UBQLN3: variants seen among roughly 807,000 people sequenced by gnomAD.
UBQLN3 encodes the protein ubiquilin 3.
In UBQLN3, 1 loss-of-function variant was observed where a neutral mutation model predicts 2.9. The observed-to-expected ratio is 0.35, with a 90% confidence interval of 0.12 to 1.66. The LOEUF (loss-of-function observed/expected upper bound fraction) is 1.66. Ranked by LOEUF, UBQLN3 falls within the 40% of genes most tolerant of loss-of-function variation. The pLI is 0.35. For synonymous variants in UBQLN3, 358 were observed against 317.6 expected (o/e 1.13, Z -1.35); for missense variants, 924 against 816.5 (o/e 1.13, Z -1.61).
In UBQLN3 at chr11:5,508,914, T is replaced by C; in HGVS notation, c.645A>G (p.Glu215=). The change falls in exon 2 of 2, where the codon GAA becomes GAG. Residue 215 remains glutamate, a synonymous_variant. Coordinates refer to ENST00000311659, the MANE Select transcript of UBQLN3 (RefSeq NM_017481.4). This position sits in a 1 kb window ranked among gnomAD's most constrained non-coding sequence, Gnocchi z 4.2. ...AAAACTCCAGTGTCTGCCGCATAAT[T>C]TCCGGGTTGTTAAGAATATGCCCAA... is the stretch of plus-strand genomic sequence containing the variant. ...PEIGHILNNP[E]IMRQTLEFLR... The C allele has an allele frequency of 6.2e-7, 1 of 1,614,150 alleles. No individual in the cohort carries two copies. Among genetic ancestry groups the C allele is most frequent in the Non-Finnish European group, 8.5e-7 (1 of 1,180,020 alleles).
rs370344868 is a variant in UBQLN3 at position 5,508,885 on chromosome 11, C to T, written c.674G>A (p.Arg225His). 2.8e-5 allele frequency: 46 copies of T among 1,614,186 alleles called. No individual in the cohort carries two copies. Among genetic ancestry groups the T allele is most frequent in the Middle Eastern group, 1.6e-4 (1 of 6,062 alleles). The change falls in exon 2 of 2, where the codon CGT (arginine) becomes CAT (histidine). Residue 225 changes from arginine to histidine, a missense_variant. Coordinates refer to ENST00000311659, the MANE Select transcript of UBQLN3 (RefSeq NM_017481.4). This position sits in a 1 kb window ranked among gnomAD's most constrained non-coding sequence, Gnocchi z 4.2. The stretch of plus-strand genomic sequence containing the variant: ...CATCTCCTGCATCATGGCAGGGTTA[C>T]GTAAAAACTCCAGTGTCTGCCGCAT... ...EIMRQTLEFL[R>H]NPAMMQEMIR...
In UBQLN3 at chr11:5,508,349, T is replaced by A; in HGVS notation, c.1210A>T (p.Lys404Ter). Residue 404 changes from lysine (K) to a stop codon, truncating the protein, a stop_gained, in exon 2 of 2, where the codon AAG (lysine) becomes TAG (stop). Transcript: ENST00000311659. LOFTEE classifies it low-confidence loss of function (END_TRUNC). The surrounding 1 kb of genome is among the most constrained non-coding windows in gnomAD (Gnocchi z 4.2). ...AAAGCTGGGCAGGAGGACCTTCCCT[T>A]GATTGCTACTGACTCCTCGGGGAGA... Reference protein sequence around the residue: ...QPLPEESVAIKGRSSCPAFLR... With the variant: ...QPLPEESVAI 1.2e-6 allele frequency: 2 copies of A among 1,607,550 alleles called. No individual in the cohort carries two copies. The highest frequency in any genetic ancestry group is 1.7e-6 in the Non-Finnish European group (2 of 1,175,774).
At position 5,507,391 on chromosome 11, in the gene UBQLN3, T is replaced by G; in HGVS notation, c.*200A>C. 9.0e-7 allele frequency: 1 copy of G among 1,107,564 alleles called. No individual in the cohort carries two copies. Among genetic ancestry groups the G allele is most frequent in the South Asian group, 1.9e-5 (1 of 52,440 alleles). The allele number at this position is 1,107,564 out of a possible 1,614,324, so 68.6% of individuals were successfully genotyped here. A position where few individuals can be genotyped will look rare whatever the true frequency, so the allele number is the denominator to read the frequency against. ...CCCAGTGGTATAGTGGTACAAGTGG[T>G]TGACTCACACACAGCACCTCCACTA... On this transcript the variant is annotated 3_prime_UTR_variant, in exon 2 of 2. Transcript: ENST00000311659.
Position 5,507,316 on chromosome 11 carries a change from G to A in UBQLN3, c.*275C>T. 1 of 358,076 alleles carries A rather than the reference G, an allele frequency of 2.8e-6. No individual in the cohort carries two copies. Among genetic ancestry groups the A allele is most frequent in the Non-Finnish European group, 5.0e-6 (1 of 201,564 alleles). 22.2% of individuals were successfully genotyped at this position (358,076 alleles called of 1,614,324 possible). A position where few individuals can be genotyped will look rare whatever the true frequency, so the allele number is the denominator to read the frequency against. On this transcript the variant is annotated 3_prime_UTR_variant, in exon 2 of 2. Transcript: ENST00000311659. ...AGGCAAGAGTTCACATTGGAAATTGGGTGTAATTGCATCTCAAGATAGGCA... is the reference window on the plus strand; with the variant it reads ...AGGCAAGAGTTCACATTGGAAATTGAGTGTAATTGCATCTCAAGATAGGCA...
Position 5,508,077 on chromosome 11 carries a change from A to G in UBQLN3, c.1482T>C (p.Ala494=). The part of the protein sequence containing the change: ...RSLRPDGMNP[A]PQLQDEIQPQ... ...GTTGTATCTCATCCTGTAACTGTGG[A>G]GCTGGATTCATGCCATCTGGCCTCA... The change falls in exon 2 of 2, where the codon GCT becomes GCC. Residue 494 remains alanine (A), a synonymous_variant. Coordinates refer to ENST00000311659, the MANE Select transcript of UBQLN3 (RefSeq NM_017481.4). This position sits in a 1 kb window ranked among gnomAD's most constrained non-coding sequence, Gnocchi z 4.2. 1 of 1,614,034 alleles carries G rather than the reference A, an allele frequency of 6.2e-7. No homozygotes were observed. Among genetic ancestry groups the G allele is most frequent in the Non-Finnish European group, 8.5e-7 (1 of 1,180,020 alleles).
Position 5,508,402 on chromosome 11 carries a change from G to A in UBQLN3, c.1157C>T (p.Ser386Leu). Residue 386 changes from serine (S) to leucine (L), a missense_variant, in exon 2 of 2, where the codon TCA (serine) becomes TTA (leucine). Ser to Leu is a moderately radical substitution (Grantham distance 145). Coordinates refer to ENST00000311659, the MANE Select transcript of UBQLN3 (RefSeq NM_017481.4). This position sits in a 1 kb window ranked among gnomAD's most constrained non-coding sequence, Gnocchi z 4.2. The part of the protein sequence containing the change: ...SVNRVPPSSP[S>L]SQEPGSGQPL... Reference sequence around the variant, plus strand: ...CTGGCCTGACCCAGGCTCCTGAGATGAGGGTGACGATGGGGGAACTCTGTT... The same window carrying A: ...CTGGCCTGACCCAGGCTCCTGAGATAAGGGTGACGATGGGGGAACTCTGTT... 2 of 1,601,912 alleles carry A rather than the reference G, an allele frequency of 1.2e-6. No homozygotes were observed. Among genetic ancestry groups the A allele is most frequent in the Non-Finnish European group, 1.7e-6 (2 of 1,174,216 alleles).
Position 5,508,726 on chromosome 11 carries a change from A to G in UBQLN3, c.833T>C (p.Phe278Ser). 1 of 1,613,906 alleles carries G rather than the reference A, an allele frequency of 6.2e-7. No homozygotes were observed. Among genetic ancestry groups the G allele is most frequent in the Non-Finnish European group, 8.5e-7 (1 of 1,180,000 alleles). ...GGCATTATCAGTAGTGGCAGTGGCAAAGGGATTGCCGCCAAACTGCTCCTG... is the reference window on the plus strand; with the variant it reads ...GGCATTATCAGTAGTGGCAGTGGCAGAGGGATTGCCGCCAAACTGCTCCTG... ...AVQEQFGGNPFATATTDNATT... is the reference protein window; with the variant it reads ...AVQEQFGGNPSATATTDNATT... The change falls in exon 2 of 2, where the codon TTT becomes TCT. Residue 278 changes from phenylalanine to serine, a missense_variant. Transcript: ENST00000311659. The surrounding 1 kb of genome is among the most constrained non-coding windows in gnomAD (Gnocchi z 4.2).
chr11:5,507,529 A>G lies in UBQLN3; in HGVS notation c.*62T>C, dbSNP rs1016834957. 232 of 1,519,304 alleles carry G rather than the reference A, an allele frequency of 1.5e-4. 1 individual carries two copies. The highest frequency in any genetic ancestry group is 8.9e-4 in the Middle Eastern group (5 of 5,630). The allele number at this position is 1,519,304 out of a possible 1,614,324, so 94.1% of individuals were successfully genotyped here. A position where few individuals can be genotyped will look rare whatever the true frequency, so the allele number is the denominator to read the frequency against. ...AGCTGTATTCAAAAATGGGAGAGCTAGGGAACTAGGATATGGGAAAAAGGC... is the reference window on the plus strand; with the variant it reads ...AGCTGTATTCAAAAATGGGAGAGCTGGGGAACTAGGATATGGGAAAAAGGC... On this transcript the variant is annotated 3_prime_UTR_variant, in exon 2 of 2. Transcript: ENST00000311659.
Position 5,507,748 on chromosome 11 carries a change from C to T in UBQLN3, c.1811G>A (p.Ser604Asn), listed in dbSNP as rs1275666459. 1 of 1,614,082 alleles carries T rather than the reference C, an allele frequency of 6.2e-7. No homozygotes were observed. ...PFLHMLQDLV[S>N]TNPQQLQPEA... ...AGGCTGCAGCTGCTGGGGATTTGTACTAACTAAATCTTGCAGCATATGGAG... is the reference window on the plus strand; with the variant it reads ...AGGCTGCAGCTGCTGGGGATTTGTATTAACTAAATCTTGCAGCATATGGAG... The change falls in exon 2 of 2, where the codon AGT becomes AAT. Residue 604 changes from serine (S) to asparagine (N), a missense_variant. Coordinates refer to ENST00000311659, the MANE Select transcript of UBQLN3 (RefSeq NM_017481.4).
Position 5,507,438 on chromosome 11 carries a change from T to G in UBQLN3, c.*153A>C, listed in dbSNP as rs2133823897. On this transcript the variant is annotated 3_prime_UTR_variant, in exon 2 of 2. Transcript: ENST00000311659. ...ACTATGTTTTGGCCATTAGTCTTCC[T>G]CGTTGACTCTGGAACAACATTGCCT... 4 of 1,424,372 alleles carry G rather than the reference T, an allele frequency of 2.8e-6. No homozygotes were observed. In the East Asian group the frequency reaches 7.4e-5, roughly 26 times the overall value. The allele number at this position is 1,424,372 out of a possible 1,614,324, so 88.2% of individuals were successfully genotyped here.
Position 5,509,329 on chromosome 11 carries a change from G to GCCAGTGAGT in UBQLN3, c.221_229dup (p.Asp74_Leu76dup), listed in dbSNP as rs1846439123. ...GAGGCCATCTCGCACTCCACACTGT[G>GCCAGTGAGT]CCAGTGAGTCAGGATCCTTGAGGAT... is the stretch of plus-strand genomic sequence containing the variant. On this transcript the variant is annotated inframe_insertion, in exon 2 of 2. Coordinates refer to ENST00000311659, the MANE Select transcript of UBQLN3 (RefSeq NM_017481.4). The GCCAGTGAGT allele has an allele frequency of 6.2e-7, 1 of 1,614,180 alleles. No homozygotes were observed. Among genetic ancestry groups the GCCAGTGAGT allele is most frequent in the South Asian group, 1.1e-5 (1 of 91,078 alleles).
intron 1 of UBQLN3, 127 bp from the exon 2 acceptor site, chr11:5,509,721 A>T: frequency 8.1e-7 from 1 of 1,234,416 alleles, no homozygotes; most frequent in Non-Finnish European, 1.1e-6. Flanking sequence ...GAAAGGGGCC[A>T]TGAGGTTTCT....
At position 5,509,534 on chromosome 11, in the gene UBQLN3, G is replaced by T. The variant is rs201741649; in HGVS notation, c.25C>A (p.Pro9Thr). The change falls in exon 2 of 2, where the codon CCA becomes ACA. Residue 9 changes from proline to threonine, a missense_variant. Physicochemically the swap from Pro to Thr is conservative, Grantham distance 38. Transcript: ENST00000311659. ...TGGACTGGTGCTGGGCTGCCCTGTG[G>T]CAGGGCTTCTCCACCTTTGGCCATG... The part of the protein sequence containing the change: MAKGGEAL[P>T]QGSPAPVQDP... 8.7e-5 allele frequency: 140 copies of T among 1,613,652 alleles called. No homozygotes were observed. The highest frequency in any genetic ancestry group is 8.5e-6 in the Non-Finnish European group (10 of 1,179,814).
rs1304810361 is a variant in UBQLN3 at position 5,509,298 on chromosome 11, G to C, written c.261C>G (p.Val87=). The C allele has an allele frequency of 6.2e-7, 1 of 1,614,198 alleles. No homozygotes were observed. The highest frequency in any genetic ancestry group is 2.2e-5 in the East Asian group (1 of 44,884). ...GGTGCTGCCTCTTGATGACCAGGTG[G>C]ACAGTGAGGCCATCTCGCACTCCAC... ...AQCGVRDGLT[V]HLVIKRQHRA... Residue 87 remains valine, a synonymous_variant, in exon 2 of 2, where the codon GTC becomes GTG. Transcript: ENST00000311659.
At position 5,509,325 on chromosome 11, in the gene UBQLN3, C is replaced by T; in HGVS notation, c.234G>A (p.Gln78=). 6.2e-7 allele frequency: 1 copy of T among 1,614,190 alleles called. No individual in the cohort carries two copies. ...KILKDPDSLA[Q]CGVRDGLTVH... is the part of the protein sequence containing the mutation. ...CAGTGAGGCCATCTCGCACTCCACA[C>T]TGTGCCAGTGAGTCAGGATCCTTGA... Residue 78 remains glutamine (Q), a synonymous_variant, in exon 2 of 2, where the codon CAG becomes CAA. Transcript: ENST00000311659.
chr11:5,508,667 TCTC>T lies in UBQLN3; in HGVS notation c.889_891del (p.Glu297del). The T allele has an allele frequency of 6.2e-7, 1 of 1,614,028 alleles. No homozygotes were observed. Among genetic ancestry groups the T allele is most frequent in the Non-Finnish European group, 8.5e-7 (1 of 1,180,004 alleles). On this transcript the variant is annotated inframe_deletion, in exon 2 of 2. Coordinates refer to ENST00000311659, the MANE Select transcript of UBQLN3 (RefSeq NM_017481.4). The surrounding 1 kb of genome is among the most constrained non-coding windows in gnomAD (Gnocchi z 4.2). ...CAGGGGTTGGGGAGAGGGTCACAATTCTCCATCCTTGAAGGTTGGCTGGTGGTG... is the reference window on the plus strand; with the variant it reads ...CAGGGGTTGGGGAGAGGGTCACAATTCATCCTTGAAGGTTGGCTGGTGGTG...
rs149894575 is a variant in UBQLN3 at position 5,508,008 on chromosome 11, G to T, written c.1551C>A (p.Asn517Lys). 12 of 1,614,080 alleles carry T rather than the reference G, an allele frequency of 7.4e-6. No homozygotes were observed. The highest frequency in any genetic ancestry group is 1.6e-4 in the Middle Eastern group (1 of 6,062). The change falls in exon 2 of 2, where the codon AAC (asparagine) becomes AAA (lysine). Residue 517 changes from asparagine to lysine, a missense_variant. By Grantham distance (94) the Asn-to-Lys change is moderately conservative. Transcript: ENST00000311659. The surrounding 1 kb of genome is among the most constrained non-coding windows in gnomAD (Gnocchi z 4.2). Reference sequence around the variant, plus strand: ...GCCGCAGGGCTTGCAGGGCACGGGGGTTTGCCATGGCTGCCTGAAGGTGCA... The same window carrying T: ...GCCGCAGGGCTTGCAGGGCACGGGGTTTTGCCATGGCTGCCTGAAGGTGCA... Reference protein sequence around the residue: ...LLMHLQAAMANPRALQALRQI... With the variant: ...LLMHLQAAMAKPRALQALRQI...
At chr11:5,509,646 A>T in intron 1 of UBQLN3, 52 bp from the exon 2 acceptor site, 1 of 1,503,970 alleles carries the variant, frequency 6.6e-7, no homozygotes, top group Non-Finnish European at 8.8e-7. Context: ...CAATGGCAAA[A>T]GTAGGAAGGG....
At position 5,509,465 on chromosome 11, in the gene UBQLN3, T is replaced by G; in HGVS notation, c.94A>C (p.Lys32Gln). ...IKVTVKTPKD[K>Q]EDFSVTDTCT... The stretch of plus-strand genomic sequence containing the variant: ...GTGTCTGTAACTGAGAAATCCTCCT[T>G]GTCTTTGGGCGTCTTCACTGTCACC... The change falls in exon 2 of 2, where the codon AAG becomes CAG. Residue 32 changes from lysine (K) to glutamine (Q), a missense_variant. Lys to Gln is a moderately conservative substitution (Grantham distance 53, BLOSUM62 1). Transcript: ENST00000311659. 6.2e-7 allele frequency: 1 copy of G among 1,614,188 alleles called. No individual in the cohort carries two copies. Among genetic ancestry groups the G allele is most frequent in the South Asian group, 1.1e-5 (1 of 91,078 alleles).
Sources: allele counts gnomAD v4.1 joint callset, GRCh38; gene constraint gnomAD v4.1.1; non-coding constraint Gnocchi (gnomAD v3.1); transcripts MANE v1.5; gene names NCBI Gene and HGNC (gene_info 2026-07-23, HGNC 2026-07-21).